The following CDH8 variants were observed in gnomAD, a reference collection of about 807,000 sequenced individuals.
CDH8 encodes the protein cadherin-8.
A neutral mutation model predicts 68.1 loss-of-function variants in CDH8; 17 were observed. The ratio of observed to expected loss-of-function variants is 0.25; its 90% confidence interval spans 0.17 to 0.37. CDH8 has a LOEUF of 0.37. CDH8 is among the 10% of genes least tolerant of loss of function. The pLI, the probability that CDH8 is intolerant of heterozygous loss-of-function variation, is 1.00. For synonymous variants in CDH8, 372 were observed against 365.1 expected (o/e 1.02, Z -0.21); for missense variants, 763 against 999.3 (o/e 0.76, Z 3.19).
intron 8 of CDH8, among the ~76,000 whole-genome samples, chr16:61,759,553 A>G (rs1960412167): frequency 6.6e-6 from 1 of 152,144 alleles, no homozygotes; most frequent in African/African-American, 2.4e-5. Context: ...GATACTCATC[A>G]AGGAACTAGT....
intron 1 of CDH8, among the ~76,000 whole-genome samples, chr16:62,028,061 ATT>A (rs768513131): frequency 4.5e-4 from 52 of 115,814 alleles, no homozygotes; most frequent in Middle Eastern, 5.0e-3. Flanking sequence ...TGTCAAATCC[ATT>A]TTTTTTTTTT....
chr16:62,022,837 T>A (rs1383052969), intron 1 of CDH8, among the ~76,000 whole-genome samples: 1 of 152,152 alleles, frequency 6.6e-6, no homozygotes, highest in Non-Finnish European at 1.5e-5. Context: ...CAGTATCTGA[T>A]CTAACAAGAT....
At chr16:61,775,839 AC>A (rs1343425668) in intron 8 of CDH8, among the ~76,000 whole-genome samples, 2 of 152,082 alleles carry the variant, frequency 1.3e-5, no homozygotes, top group African/African-American at 2.4e-5. Flanking sequence ...ACCAGTTCAA[AC>A]CAAAAGAAGT....
rs1902188144 is a variant in CDH8 at position 62,025,889 on chromosome 16, T to G, written c.-199-4287A>C. Among the ~76,000 whole-genome samples the G allele has an allele frequency of 2.0e-5, 3 of 151,900 alleles. No homozygotes were observed. In the South Asian group the frequency reaches 6.2e-4, roughly 31 times the overall value. On this transcript the variant is annotated intron_variant, in intron 1 of 11. Transcript: ENST00000577390. ...ATTCTTCAAAATAATATAATATTAT[T>G]ATTACTTTATTATAATCATTCTCAT...
At chr16:61,694,187 C>CT in intron 10 of CDH8, among the ~76,000 whole-genome samples, 1 of 151,994 alleles carries the variant, frequency 6.6e-6, no homozygotes, top group South Asian at 2.1e-4. Context: ...AAAGGGAAAT[C>CT]CTAGATATTG....
intron 1 of CDH8, among the ~76,000 whole-genome samples, chr16:62,023,254 A>G (rs1567572927): frequency 6.6e-6 from 1 of 152,110 alleles, no homozygotes; most frequent in Non-Finnish European, 1.5e-5. Context: ...CAGCATACCC[A>G]TGCTGTGCTC....
At chr16:61,938,268 T>C (rs1405079609) in intron 2 of CDH8, among the ~76,000 whole-genome samples, 2 of 152,148 alleles carry the variant, frequency 1.3e-5, no homozygotes, top group African/African-American at 4.8e-5. Context: ...AAATGGCATT[T>C]CTTTTAAAAT....
At chr16:61,824,220 AAATAATAAT>A (rs528032579) in intron 5 of CDH8, among the ~76,000 whole-genome samples, 5 of 151,580 alleles carry the variant, frequency 3.3e-5, no homozygotes, top group Non-Finnish European at 7.4e-5. Flanking sequence ...GGCATCTTAA[AAATAATAAT>A]AATAATAATA....
intron 3 of CDH8, among the ~76,000 whole-genome samples, chr16:61,875,305 T>C (rs184417899): frequency 3.9e-5 from 6 of 152,196 alleles, no homozygotes; most frequent in African/African-American, 1.2e-4. Flanking sequence ...TGTAGAGAAA[T>C]AGAGCATTAC....
intron 8 of CDH8, among the ~76,000 whole-genome samples, chr16:61,728,517 A>C (rs1383470965): frequency 2.0e-5 from 3 of 151,042 alleles, no homozygotes; most frequent in Non-Finnish European, 3.0e-5. Flanking sequence ...CCCTTTTTAA[A>C]TATATATCTA....
chr16:61,737,058 A>G (rs1307935680), intron 8 of CDH8, among the ~76,000 whole-genome samples: 1 of 152,136 alleles, frequency 6.6e-6, no homozygotes, highest in Non-Finnish European at 1.5e-5. Context: ...TTTGAGTAGT[A>G]GTGACTTCCT....
chr16:61,990,936 A>C (rs1965707097), intron 2 of CDH8, among the ~76,000 whole-genome samples: 1 of 151,672 alleles, frequency 6.6e-6, no homozygotes, highest in Non-Finnish European at 1.5e-5. Context: ...AAGGAAAAGA[A>C]AGAAACAGAG....
Position 61,755,428 on chromosome 16 carries a change from G to A in CDH8, c.1415-28213C>T, listed in dbSNP as rs184493175. 4.9e-3 allele frequency among the ~76,000 whole-genome samples: 741 copies of A among 152,064 alleles called. 7 individuals are homozygous for A. The highest frequency in any genetic ancestry group is 0.016 in the African/African-American group (675 of 41,484). On this transcript the variant is annotated intron_variant, in intron 8 of 11. Coordinates refer to ENST00000577390, the MANE Select transcript of CDH8 (RefSeq NM_001796.5). The stretch of plus-strand genomic sequence containing the variant: ...TATTTATGTATAGCCACGTATTGGC[G>A]TGTGTAGTGTGTATAAACATGTATT...
At chr16:62,020,566 C>T (rs1902050054) in intron 2 of CDH8, among the ~76,000 whole-genome samples, 1 of 152,030 alleles carries the variant, frequency 6.6e-6, no homozygotes, top group African/African-American at 2.4e-5. Flanking sequence ...TTTGATTTCA[C>T]CTGACAATGA....
chr16:61,919,353 G>A (rs573997938), intron 2 of CDH8, among the ~76,000 whole-genome samples: 2 of 147,542 alleles, frequency 1.4e-5, no homozygotes, highest in Non-Finnish European at 3.0e-5. Context: ...GGCTTCAGAC[G>A]ATCAAATTAC....
intron 2 of CDH8, among the ~76,000 whole-genome samples, chr16:61,930,219 T>G (rs1964519393): frequency 1.3e-5 from 2 of 151,444 alleles, no homozygotes; most frequent in South Asian, 4.2e-4. Flanking sequence ...AAAATTTTAT[T>G]AATAGAGTGA....
At chr16:61,732,755 G>C (rs112656605) in intron 8 of CDH8, among the ~76,000 whole-genome samples, 57 of 151,836 alleles carry the variant, frequency 3.8e-4, no homozygotes, top group African/African-American at 1.3e-3. Context: ...ATTACTCCTC[G>C]TTTCTTATTT....
At chr16:61,712,500 A>G (rs1325521505) in intron 10 of CDH8, among the ~76,000 whole-genome samples, 1 of 151,738 alleles carries the variant, frequency 6.6e-6, no homozygotes, top group African/African-American at 2.4e-5. Flanking sequence ...CAGAATAAAC[A>G]CGGACCACAC....
chr16:62,008,353 G>A (rs1030359379), intron 2 of CDH8, among the ~76,000 whole-genome samples: 14 of 152,122 alleles, frequency 9.2e-5, no homozygotes, highest in South Asian at 6.2e-4. Flanking sequence ...TGACACTGTC[G>A]TACCATCTCA....
Sources: gnomAD v4.1 joint callset for allele counts (sites outside exome capture counted in the v4.1 genomes callset) on GRCh38, gnomAD v4.1.1 for gene constraint, MANE v1.5 for transcripts, NCBI Gene and HGNC (gene_info 2026-07-23, HGNC 2026-07-21) for gene names.